Variants in MCC observed in about 807,000 individuals in gnomAD.
The protein encoded by MCC is colorectal mutant cancer protein.
A neutral mutation model predicts 116.2 loss-of-function variants in MCC; 90 were observed. The ratio of observed to expected loss-of-function variants is 0.77; its 90% CI spans 0.65 to 0.92. The LOEUF (loss-of-function observed/expected upper bound fraction) is 0.92, where lower values mean the gene tolerates loss of function less well. Among genes scored for constraint, MCC ranks in the 40% least tolerant of loss-of-function variants. The pLI is 0.00. For missense variants in MCC, 1,516 were observed against 1,312.2 expected (o/e 1.16, Z -2.40); for synonymous variants, 578 against 510.5 (o/e 1.13, Z -1.78).
chr5:113,345,028 C>A (rs1158162639), intron 2 of MCC, among the ~76,000 whole-genome samples: 1 of 152,028 alleles, frequency 6.6e-6, no homozygotes, highest in Non-Finnish European at 1.5e-5. Context: ...CAGAAGGGAG[C>A]CCACTGCCCT....
intron 1 of MCC, among the ~76,000 whole-genome samples, chr5:113,404,704 G>A (rs1436299385): frequency 1.3e-5 from 2 of 152,132 alleles, no homozygotes; most frequent in Admixed American, 6.5e-5. Flanking sequence ...ACTGATGGAG[G>A]CCTGGTAAAT....
At chr5:113,401,048 A>G (rs1238639606) in intron 1 of MCC, among the ~76,000 whole-genome samples, 1 of 152,246 alleles carries the variant, frequency 6.6e-6, no homozygotes, top group African/African-American at 2.4e-5. Context: ...GAGACCTAAT[A>G]CATAGGTTTT....
chr5:113,070,255 G>A (rs1371924059), intron 12 of MCC, among the ~76,000 whole-genome samples: 1 of 152,196 alleles, frequency 6.6e-6, no homozygotes, highest in Non-Finnish European at 1.5e-5. Context: ...GTACGATACA[G>A]TCAACTACTC....
intron 2 of MCC, among the ~76,000 whole-genome samples, chr5:113,384,399 T>C (rs1262882039): frequency 6.6e-6 from 1 of 152,110 alleles, no homozygotes; most frequent in Non-Finnish European, 1.5e-5. Context: ...CCATCCTGGC[T>C]AATACGGTGA....
intron 6 of MCC, among the ~76,000 whole-genome samples, chr5:113,121,758 C>G (rs1442720783): frequency 6.6e-6 from 1 of 152,174 alleles, no homozygotes; most frequent in Non-Finnish European, 1.5e-5. Context: ...TGACTATATG[C>G]AACTCTTCTT....
chr5:113,289,506 G>C (rs935468739), intron 3 of MCC, among the ~76,000 whole-genome samples: 1 of 152,022 alleles, frequency 6.6e-6, no homozygotes, highest in African/African-American at 2.4e-5. Flanking sequence ...GAAAACAGCT[G>C]TTTTGACCAA....
At chr5:113,387,504 C>T (rs1450632873) in intron 1 of MCC, among the ~76,000 whole-genome samples, 3 of 152,102 alleles carry the variant, frequency 2.0e-5, no homozygotes, top group Non-Finnish European at 4.4e-5. Flanking sequence ...ATTATACTTT[C>T]TAAAATAAGG....
At chr5:113,390,870 T>G (rs1227823904) in intron 1 of MCC, among the ~76,000 whole-genome samples, 1 of 152,160 alleles carries the variant, frequency 6.6e-6, no homozygotes, top group African/African-American at 2.4e-5. Flanking sequence ...CATGAAAGAC[T>G]ACAAAAAACA....
At chr5:113,283,192 C>T (rs576744150) in intron 3 of MCC, among the ~76,000 whole-genome samples, 2 of 152,334 alleles carry the variant, frequency 1.3e-5, no homozygotes, top group South Asian at 4.1e-4. Context: ...TACTCACTTT[C>T]ACTCCTACTG....
intron 4 of MCC, among the ~76,000 whole-genome samples, chr5:113,145,033 C>T (rs1168141010): frequency 6.6e-6 from 1 of 152,170 alleles, no homozygotes; most frequent in Non-Finnish European, 1.5e-5. Context: ...ATCCTACATA[C>T]TTAAGGAAAA....
At chr5:113,346,483 C>A (rs1217110372) in intron 2 of MCC, among the ~76,000 whole-genome samples, 2 of 152,030 alleles carry the variant, frequency 1.3e-5, no homozygotes, top group African/African-American at 4.8e-5. Flanking sequence ...CACCTGTAAT[C>A]CCAGCTACTT....
rs76885566 is a variant in MCC, at chr5:113,032,867, C to A, written c.2757-3811G>T. ...CTAATCGTCCTCACTGCTACACTCT[C>A]ACCAGCGCCACAACAGTTTACAAAT... On this transcript the variant is annotated intron_variant, in intron 17 of 18. Transcript: ENST00000408903. 1.4e-3 allele frequency among the ~76,000 whole-genome samples: 218 copies of A among 152,346 alleles called. 3 individuals are homozygous for A. The East Asian group carries it at 0.033, about 23-fold the overall frequency.
rs116147792 is a variant in MCC at position 113,447,549 on chromosome 5, C to A, written c.170+40696G>T. 6.5e-3 allele frequency among the ~76,000 whole-genome samples: 989 copies of A among 152,138 alleles called. 7 individuals carry two copies. The highest frequency in any genetic ancestry group is 0.022 in the African/African-American group (925 of 41,506). ...GAAGAGGTCTTAGAAATCATCTAGT[C>A]CGACCACCTCCTTTGACAGATGAGG... is the stretch of plus-strand genomic sequence containing the variant. On this transcript the variant is annotated intron_variant, in intron 1 of 18. Coordinates refer to ENST00000408903, the MANE Select transcript of MCC (RefSeq NM_001085377.2).
intron 17 of MCC, among the ~76,000 whole-genome samples, chr5:113,034,187 A>G (rs900990874): frequency 2.6e-5 from 4 of 151,524 alleles, no homozygotes; most frequent in African/African-American, 9.7e-5. Flanking sequence ...GGCCTGAGCA[A>G]CTCCACCTGG....
At chr5:113,388,792 T>G (rs964140521) in intron 1 of MCC, among the ~76,000 whole-genome samples, 5 of 152,190 alleles carry the variant, frequency 3.3e-5, no homozygotes, top group Non-Finnish European at 7.3e-5. Context: ...TAGACTAACA[T>G]GTCCCCATTT....
At chr5:113,035,742 C>T (rs1751285188) in intron 17 of MCC, among the ~76,000 whole-genome samples, 1 of 152,158 alleles carries the variant, frequency 6.6e-6, no homozygotes, top group South Asian at 2.1e-4. Context: ...ACTCATGTCC[C>T]AGAGCTAAGA....
At chr5:113,115,870 A>C (rs915076519) in intron 6 of MCC, among the ~76,000 whole-genome samples, 1 of 152,202 alleles carries the variant, frequency 6.6e-6, no homozygotes, top group African/African-American at 2.4e-5. Flanking sequence ...AGGGACAGCA[A>C]CTGACAATAT....
Position 113,024,340 on chromosome 5 carries a change from A to G in MCC, c.*2962T>C, listed in dbSNP as rs1429421039. 6.6e-6 allele frequency: 1 copy of G among 152,252 alleles called. No individual in the cohort carries two copies. Among genetic ancestry groups the G allele is most frequent in the Non-Finnish European group, 1.5e-5 (1 of 68,036 alleles). 9.4% of individuals were successfully genotyped at this position (152,252 alleles called of 1,614,324 possible). ...AAGGAATCATACTGTTCCCCAGTCC[A>G]TGACAGATTTTTGTAGCTGGTAAGC... On this transcript the variant is annotated 3_prime_UTR_variant, in exon 19 of 19. Coordinates refer to ENST00000408903, the MANE Select transcript of MCC (RefSeq NM_001085377.2).
At chr5:113,433,650 C>T (rs1770739530) in intron 1 of MCC, 1 of 1,470,146 alleles carries the variant, frequency 6.8e-7, no homozygotes. Context: ...CTGGGACTGC[C>T]TTCCTTCTCT....
Sources: gnomAD v4.1 joint callset for allele counts (sites outside exome capture counted in the v4.1 genomes callset) on GRCh38, gnomAD v4.1.1 for gene constraint, MANE v1.5 for transcripts, NCBI Gene and HGNC (gene_info 2026-07-23, HGNC 2026-07-21) for gene names.